Variants in PLPPR5 observed in about 807,000 individuals in gnomAD.
PLPPR5 encodes phospholipid phosphatase-related protein type 5.
In PLPPR5, 16 loss-of-function variants were observed where a neutral mutation model predicts 33.9. That is an observed-to-expected ratio of 0.47 (90% CI 0.32 to 0.72). The LOEUF (loss-of-function observed/expected upper bound fraction) is 0.72, where lower values mean the gene tolerates loss of function less well. Ranked by LOEUF, PLPPR5 falls within the 30% of genes least tolerant of loss-of-function variation. The pLI is 0.03. For missense variants in PLPPR5, 301 were observed against 406.7 expected, an observed-to-expected ratio of 0.74 and a Z score of 2.23; for synonymous variants, 163 against 150.3, an observed-to-expected ratio of 1.08 and a Z score of -0.62.
At position 98,932,606 on chromosome 1, in the gene PLPPR5, T is replaced by A. The variant is rs572026597; in HGVS notation, c.622-10548A>T. On this transcript the variant is annotated intron_variant, in intron 3 of 5. Coordinates refer to ENST00000263177, the MANE Select transcript of PLPPR5 (RefSeq NM_001037317.2). ...TATTTTTTAGGTGTGTAGTAGTTAC[T>A]ATATTTTGGAAATGACCTCTAAGAA... Among the ~76,000 whole-genome samples the A allele has an allele frequency of 7.9e-5, 12 of 152,364 alleles. No homozygotes were observed. In the South Asian group the frequency reaches 1.2e-3, roughly 16 times the overall value.
chr1:98,918,689 G>A (rs1458686339), intron 4 of PLPPR5, among the ~76,000 whole-genome samples: 3 of 152,166 alleles, frequency 2.0e-5, no homozygotes, highest in African/African-American at 4.8e-5. Flanking sequence ...GATCTTGTCT[G>A]AGCCAAATCT....
At chr1:98,983,876 T>C (rs1415543671) in intron 1 of PLPPR5, among the ~76,000 whole-genome samples, 3 of 152,112 alleles carry the variant, frequency 2.0e-5, no homozygotes, top group Non-Finnish European at 4.4e-5. Context: ...ATTTTTTGGT[T>C]GCATAAATGT....
intron 4 of PLPPR5, among the ~76,000 whole-genome samples, chr1:98,916,197 C>G (rs2101154275): frequency 6.6e-6 from 1 of 152,234 alleles, no homozygotes; most frequent in East Asian, 1.9e-4. Flanking sequence ...AATAAGAACA[C>G]CTACTGAGAT....
At chr1:98,929,329 A>C (rs545938997) in intron 3 of PLPPR5, among the ~76,000 whole-genome samples, 1 of 152,236 alleles carries the variant, frequency 6.6e-6, no homozygotes, top group Non-Finnish European at 1.5e-5. Flanking sequence ...ATTTGGATTA[A>C]AACTATACAT....
intron 1 of PLPPR5, among the ~76,000 whole-genome samples, chr1:99,001,705 T>TATATATATATATATAG (rs1553173330): frequency 3.1e-5 from 4 of 129,154 alleles, no homozygotes; most frequent in Admixed American, 8.1e-5. Context: ...TATATATATA[T>TATATATATATATATAG]GAAGCTTTAT....
intron 3 of PLPPR5, 31 bp from the exon 4 acceptor site, chr1:98,922,089 C>T: frequency 6.2e-7 from 1 of 1,601,516 alleles, no homozygotes; most frequent in East Asian, 2.2e-5. Context: ...AATGACTTTT[C>T]ATGAAGGTAT....
At chr1:98,910,785 T>C (rs963909001) in intron 5 of PLPPR5, among the ~76,000 whole-genome samples, 3 of 151,558 alleles carry the variant, frequency 2.0e-5, no homozygotes, top group African/African-American at 7.3e-5. Context: ...CTTCACCTAA[T>C]AGGTACATCT....
At chr1:98,974,370 C>G (rs2219967) in intron 1 of PLPPR5, among the ~76,000 whole-genome samples, 10,634 of 152,108 alleles carry the variant, frequency 0.07, 501 homozygotes, top group Non-Finnish European at 0.096. Context: ...TTTCACATTG[C>G]CTTTGCCTTT....
At chr1:98,928,548 C>CATATATACATATATATATATATAT (rs1649846226) in intron 3 of PLPPR5, among the ~76,000 whole-genome samples, 1 of 73,880 alleles carries the variant, frequency 1.4e-5, no homozygotes. Flanking sequence ...AGTTTTAAAT[C>CATATATACATATATATATATATAT]ATATATATAT....
chr1:98,939,524 T>G (rs1650298227), intron 3 of PLPPR5, among the ~76,000 whole-genome samples: 1 of 152,012 alleles, frequency 6.6e-6, no homozygotes, highest in Non-Finnish European at 1.5e-5. Flanking sequence ...GAAGCATATA[T>G]TCTATGCCAC....
chr1:98,909,415 T>G (rs1233124130), intron 5 of PLPPR5, among the ~76,000 whole-genome samples: 1 of 151,842 alleles, frequency 6.6e-6, no homozygotes, highest in Admixed American at 6.6e-5. Context: ...GATTTTATTA[T>G]ATATACATTT....
chr1:98,950,708 G>A (rs1650749603), intron 3 of PLPPR5, among the ~76,000 whole-genome samples: 1 of 152,142 alleles, frequency 6.6e-6, no homozygotes, highest in African/African-American at 2.4e-5. Flanking sequence ...TTTAGAGACA[G>A]GGTCTTGCTC....
chr1:98,956,959 G>A (rs1651032054), intron 1 of PLPPR5, among the ~76,000 whole-genome samples: 1 of 151,900 alleles, frequency 6.6e-6, no homozygotes, highest in Admixed American at 6.6e-5. Context: ...ATGATAGACT[G>A]GATTAAGAAA....
intron 5 of PLPPR5, among the ~76,000 whole-genome samples, chr1:98,911,629 A>G (rs1649151799): frequency 6.6e-6 from 1 of 152,232 alleles, no homozygotes; most frequent in African/African-American, 2.4e-5. Context: ...AAATGTTAAA[A>G]AGTAGATGGC....
chr1:98,987,651 C>T (rs948259240), intron 1 of PLPPR5, among the ~76,000 whole-genome samples: 3 of 151,990 alleles, frequency 2.0e-5, no homozygotes, highest in Admixed American at 2.0e-4. Context: ...CTGACAAATA[C>T]TGTTTTCTGA....
intron 1 of PLPPR5, among the ~76,000 whole-genome samples, chr1:98,958,412 CT>C (rs34276534): frequency 3.3e-5 from 5 of 151,408 alleles, no homozygotes; most frequent in Non-Finnish European, 5.9e-5. Flanking sequence ...TTTAACTATA[CT>C]TTTTTTTCAA....
At chr1:98,989,973 G>T (rs1002042337) in intron 1 of PLPPR5, among the ~76,000 whole-genome samples, 5 of 152,106 alleles carry the variant, frequency 3.3e-5, no homozygotes, top group Non-Finnish European at 7.4e-5. Flanking sequence ...GTAATTTTTT[G>T]ACAGTGGTTT....
intron 1 of PLPPR5, among the ~76,000 whole-genome samples, chr1:98,972,708 C>A (rs1320400795): frequency 6.6e-6 from 1 of 152,012 alleles, no homozygotes; most frequent in Non-Finnish European, 1.5e-5. Context: ...CAGTTACCAA[C>A]CTTACTGAAT....
chr1:98,972,598 T>C (rs1414670570), intron 1 of PLPPR5, among the ~76,000 whole-genome samples: 1 of 152,118 alleles, frequency 6.6e-6, no homozygotes, highest in African/African-American at 2.4e-5. Context: ...ACTAAAGCTC[T>C]ATTTAATAAT....
Sources: allele counts gnomAD v4.1 joint callset (sites outside exome capture counted in the v4.1 genomes callset), GRCh38; gene constraint gnomAD v4.1.1; transcripts MANE v1.5; gene names NCBI Gene and HGNC (gene_info 2026-07-23, HGNC 2026-07-21).